TYW1B: variants seen among roughly 807,000 people sequenced by gnomAD.
TYW1B encodes tRNA-yW synthesizing protein 1 homolog B.
Under a neutral mutation model 86.9 loss-of-function variants are expected in TYW1B, and 73 were observed. The observed-to-expected ratio is 0.84, with a 90% CI of 0.70 to 1.02. The LOEUF is 1.02. Ranked by LOEUF, TYW1B falls within the 50% of genes least tolerant of loss-of-function variation. TYW1B has a pLI of 0.00. For missense variants in TYW1B, 637 were observed against 827.4 expected (o/e 0.77, Z 2.82); for synonymous variants, 248 against 292.8 (o/e 0.85, Z 1.56).
chr7:72,743,458 T>C (rs1354745926), intron 8 of TYW1B, among the ~76,000 whole-genome samples: 3 of 152,136 alleles, frequency 2.0e-5, no homozygotes, highest in Non-Finnish European at 4.4e-5. Flanking sequence ...AGGAAGTCAT[T>C]AGTGACCACA....
chr7:72,826,744 T>G, intron 2 of TYW1B, 111 bp downstream of exon 2: 1 of 1,351,864 alleles, frequency 7.4e-7, no homozygotes, highest in Non-Finnish European at 9.8e-7. Context: ...GGCATTTCAT[T>G]AAAATGTCTA....
chr7:72,686,160 A>C (rs1814002038), intron 11 of TYW1B, among the ~76,000 whole-genome samples: 1 of 152,210 alleles, frequency 6.6e-6, no homozygotes, highest in African/African-American at 2.4e-5. Context: ...CAGTTTCTTA[A>C]AAAACTAAAC....
At chr7:72,673,028 G>A (rs1472618155) in intron 11 of TYW1B, among the ~76,000 whole-genome samples, 1 of 152,276 alleles carries the variant, frequency 6.6e-6, no homozygotes, top group African/African-American at 2.4e-5. Context: ...AATTAGCCGG[G>A]TGTCGCGGCG....
chr7:72,589,240 T>C (rs1811341492), intron 13 of TYW1B, among the ~76,000 whole-genome samples: 1 of 152,232 alleles, frequency 6.6e-6, no homozygotes, highest in African/African-American at 2.4e-5. Flanking sequence ...ACGGTAACCT[T>C]AATAAATGTT....
chr7:72,793,951 A>C (rs1319441641), intron 6 of TYW1B, among the ~76,000 whole-genome samples: 1 of 152,128 alleles, frequency 6.6e-6, no homozygotes, highest in South Asian at 2.1e-4. Flanking sequence ...AAAACTGCCA[A>C]TCCAGCCTCT....
intron 11 of TYW1B, among the ~76,000 whole-genome samples, chr7:72,674,487 G>T (rs1813688725): frequency 6.6e-6 from 1 of 151,770 alleles, no homozygotes; most frequent in Admixed American, 6.6e-5. Flanking sequence ...CCAACTCAAA[G>T]ATTTTTTTTT....
intron 6 of TYW1B, among the ~76,000 whole-genome samples, chr7:72,800,980 T>C (rs150668768): frequency 1.3e-5 from 2 of 152,294 alleles, no homozygotes; most frequent in Admixed American, 6.5e-5. Context: ...TTTGATATCA[T>C]TCAGGAATGT....
At chr7:72,635,212 A>G (rs1305120458) in intron 11 of TYW1B, among the ~76,000 whole-genome samples, 1 of 152,180 alleles carries the variant, frequency 6.6e-6, no homozygotes, top group African/African-American at 2.4e-5. Flanking sequence ...CACTGTAATA[A>G]ATATGATAGA....
chr7:72,724,792 T>C (rs181906082), intron 9 of TYW1B, among the ~76,000 whole-genome samples: 4 of 152,342 alleles, frequency 2.6e-5, no homozygotes, highest in African/African-American at 9.6e-5. Flanking sequence ...ATAGATATTG[T>C]ATAAATACCA....
At chr7:72,720,421 A>G (rs749387647) in intron 9 of TYW1B, among the ~76,000 whole-genome samples, 3 of 152,176 alleles carry the variant, frequency 2.0e-5, no homozygotes, top group Non-Finnish European at 4.4e-5. Context: ...AGAAAGCTAC[A>G]AATAAAAATA....
intron 7 of TYW1B, among the ~76,000 whole-genome samples, chr7:72,747,106 T>A (rs1286509247): frequency 8.5e-5 from 13 of 152,198 alleles, no homozygotes; most frequent in Admixed American, 2.6e-4. Flanking sequence ...TGGAACTTGA[T>A]ATGGTTTGGC....
At chr7:72,640,479 TAAAAAC>T (rs1359451462) in intron 11 of TYW1B, among the ~76,000 whole-genome samples, 1 of 146,592 alleles carries the variant, frequency 6.8e-6, no homozygotes, top group East Asian at 2.0e-4. Context: ...AGGCTGAAAA[TAAAAAC>T]AAAAAGAAAA....
intron 13 of TYW1B, among the ~76,000 whole-genome samples, chr7:72,589,325 A>C (rs782349232): frequency 5.3e-5 from 8 of 152,246 alleles, no homozygotes; most frequent in Non-Finnish European, 7.3e-5. Context: ...GTGATGAAAG[A>C]CACTAGAAGA....
intron 4 of TYW1B, among the ~76,000 whole-genome samples, chr7:72,808,717 G>A (rs1788542244): frequency 6.6e-6 from 1 of 151,892 alleles, no homozygotes; most frequent in African/African-American, 2.4e-5. Flanking sequence ...AGTACAGACA[G>A]GGTTTCTCCA....
chr7:72,826,830 T>C, intron 2 of TYW1B, 25 bp downstream of exon 2: 2 of 1,604,580 alleles, frequency 1.2e-6, no homozygotes, highest in East Asian at 2.2e-5. Flanking sequence ...CTAAATACTC[T>C]ATTAAAAAAA....
In TYW1B at chr7:72,828,179, T is replaced by C. The variant is rs1398811042; in HGVS notation, c.-104A>G. ...GAGCTACCTCGCGGCGTTAGCGCCGTACCGAGTGGCTGCAGAACTGTGGGC... is the reference window on the plus strand; with the variant it reads ...GAGCTACCTCGCGGCGTTAGCGCCGCACCGAGTGGCTGCAGAACTGTGGGC... On this transcript the variant is annotated 5_prime_UTR_variant, in exon 1 of 14. Transcript: ENST00000620995. The C allele has an allele frequency of 5.7e-6, 9 of 1,574,510 alleles. No homozygotes were observed. The highest frequency in any genetic ancestry group is 3.7e-5 in the Admixed American group (2 of 53,556).
rs199646023 is a variant in TYW1B, at chr7:72,815,491, CA to C, written c.136-11del. ...GAACTGTTGCAAATCCCTAATAGGA[CA>C]AAAAAAAACTTCAAATAAAGTCTTC... On this transcript the variant is annotated splice_polypyrimidine_tract_variant and intron_variant, in intron 2 of 13. Coordinates refer to ENST00000620995, the MANE Select transcript of TYW1B (RefSeq NM_001145440.3). 8.1e-5 allele frequency: 128 copies of C among 1,580,460 alleles called. No individual in the cohort carries two copies. The highest frequency in any genetic ancestry group is 4.3e-4 in the Admixed American group (23 of 53,518).
intron 7 of TYW1B, among the ~76,000 whole-genome samples, chr7:72,767,407 C>T (rs1358011952): frequency 6.6e-6 from 1 of 151,866 alleles, no homozygotes; most frequent in Non-Finnish European, 1.5e-5. Context: ...GAGATCGAGA[C>T]CATCCTGGCT....
intron 11 of TYW1B, among the ~76,000 whole-genome samples, chr7:72,636,413 T>C (rs1448766626): frequency 1.3e-5 from 2 of 152,222 alleles, no homozygotes; most frequent in African/African-American, 4.8e-5. Flanking sequence ...TTTCCAATCA[T>C]AACTTTTTCC....
Sources: gnomAD v4.1 joint callset for allele counts (sites outside exome capture counted in the v4.1 genomes callset) on GRCh38, gnomAD v4.1.1 for gene constraint, MANE v1.5 for transcripts, NCBI Gene and HGNC (gene_info 2026-07-23, HGNC 2026-07-21) for gene names.